UBA3: variants seen among roughly 807,000 people sequenced by gnomAD.
UBA3 encodes NEDD8-activating enzyme E1 catalytic subunit.
A neutral mutation model predicts 73.5 loss-of-function variants in UBA3; 26 were observed. That is an observed-to-expected ratio of 0.35 (90% CI 0.26 to 0.49). The LOEUF is 0.49. Among genes scored for constraint, UBA3 ranks in the 20% least tolerant of loss-of-function variants. The pLI is 0.98. For synonymous variants in UBA3, 217 were observed against 191.2 expected (o/e 1.13, Z -1.11); for missense variants, 495 against 555.6 (o/e 0.89, Z 1.10).
chr3:69,068,016 A>G lies in UBA3; in HGVS notation c.348-8T>C, dbSNP rs1419380526. 2 of 1,514,212 alleles carry G rather than the reference A, an allele frequency of 1.3e-6. No individual in the cohort carries two copies. The highest frequency in any genetic ancestry group is 8.9e-7 in the Non-Finnish European group (1 of 1,118,620). 93.8% of individuals were successfully genotyped at this position (1,514,212 alleles called of 1,614,324 possible). A position where few individuals can be genotyped will look rare whatever the true frequency, so the allele number is the denominator to read the frequency against. On this transcript the variant is annotated splice_polypyrimidine_tract_variant and splice_region_variant and intron_variant, in intron 5 of 17. Transcript: ENST00000361055. Reference sequence around the variant, plus strand: ...CTTCCAATATCTTTAGGCCTACAGGAAAAATATTTAAATTATAATTCATAT... The same window carrying G: ...CTTCCAATATCTTTAGGCCTACAGGGAAAATATTTAAATTATAATTCATAT...
intron 4 of UBA3, among the ~76,000 whole-genome samples, chr3:69,073,452 A>T (rs2092138035): frequency 6.6e-6 from 1 of 152,056 alleles, no homozygotes; most frequent in African/African-American, 2.4e-5. Flanking sequence ...CTTTTTGTAA[A>T]CCTTTTCCCT....
chr3:69,055,752 ACAAGG>A (rs1460897186), intron 17 of UBA3, 94 bp downstream of exon 17: 2 of 1,175,356 alleles, frequency 1.7e-6, no homozygotes, highest in African/African-American at 3.1e-5. Context: ...CTGACCATAT[ACAAGG>A]CATTAAGAGG....
chr3:69,080,073 G>A (rs2092205674), intron 2 of UBA3, 39 bp downstream of exon 2: 2 of 1,596,424 alleles, frequency 1.3e-6, no homozygotes, highest in East Asian at 2.3e-5. Flanking sequence ...GGGAGGCGGG[G>A]GTCCCCGGAG....
intron 2 of UBA3, among the ~76,000 whole-genome samples, chr3:69,079,013 C>T (rs534113074): frequency 3.3e-5 from 5 of 152,154 alleles, no homozygotes; most frequent in Admixed American, 6.5e-5. Flanking sequence ...TTTCTACCGT[C>T]AAATATATTA....
rs373086321 is a variant in UBA3 at position 69,062,057 on chromosome 3, T to C, written c.796+20A>G. The C allele has an allele frequency of 1.8e-5, 28 of 1,521,884 alleles. No individual in the cohort carries two copies. In the East Asian group the frequency reaches 3.6e-4, roughly 20 times the overall value. 94.3% of individuals were successfully genotyped at this position (1,521,884 alleles called of 1,614,324 possible). A position where few individuals can be genotyped will look rare whatever the true frequency, so the allele number is the denominator to read the frequency against. On this transcript the variant is annotated intron_variant, in intron 10 of 17. Coordinates refer to ENST00000361055, the MANE Select transcript of UBA3 (RefSeq NM_003968.4). ...ATATGTATTTTATGTAATTCTAGAT[T>C]ATTAAATTAGGTTTATTACCTCCAA... is the stretch of plus-strand genomic sequence containing the variant.
At chr3:69,066,359 C>A (rs2092071398) in intron 6 of UBA3, among the ~76,000 whole-genome samples, 1 of 152,146 alleles carries the variant, frequency 6.6e-6, no homozygotes, top group Non-Finnish European at 1.5e-5. Flanking sequence ...CACCACCATA[C>A]CCCACCTTTT....
intron 3 of UBA3, chr3:69,077,596 A>G (rs533613524): frequency 7.1e-5 from 38 of 537,022 alleles, no homozygotes; most frequent in African/African-American, 6.1e-4. Flanking sequence ...TTTTCAACTT[A>G]TATTACATGA....
At chr3:69,077,705 T>C (rs2092179675) in intron 3 of UBA3, 93 bp downstream of exon 3, 1 of 1,336,446 alleles carries the variant, frequency 7.5e-7, no homozygotes, top group East Asian at 2.6e-5. Flanking sequence ...TTATTAGTAT[T>C]TTCATTGTAA....
intron 2 of UBA3, among the ~76,000 whole-genome samples, chr3:69,079,283 T>A (rs1191895451): frequency 1.3e-5 from 2 of 152,140 alleles, no homozygotes; most frequent in Non-Finnish European, 2.9e-5. Flanking sequence ...CATGTAAAAG[T>A]GGGAGGGAAA....
intron 6 of UBA3, among the ~76,000 whole-genome samples, chr3:69,066,631 C>T (rs2092074273): frequency 6.6e-6 from 1 of 151,950 alleles, no homozygotes; most frequent in Non-Finnish European, 1.5e-5. Context: ...GGGGTTTCAC[C>T]ATGTTGGCCA....
chr3:69,067,653 T>G (rs2092085178), intron 6 of UBA3, among the ~76,000 whole-genome samples: 1 of 152,150 alleles, frequency 6.6e-6, no homozygotes, highest in African/African-American at 2.4e-5. Flanking sequence ...TAATTGATAC[T>G]GAAATTAAGG....
rs775901112 is a variant in UBA3 at position 69,064,040 on chromosome 3, G to A, written c.472+28C>T. ...AACTAAAAAATTCTAAGAATCTAGT[G>A]AGCATTAATTTCAAGTAAAAAACTT... On this transcript the variant is annotated intron_variant, in intron 7 of 17. Transcript: ENST00000361055. 2.5e-5 allele frequency: 39 copies of A among 1,577,798 alleles called. 1 individual carries two copies. In the South Asian group the frequency reaches 3.6e-4, roughly 15 times the overall value.
At chr3:69,060,536 C>A (rs368818940) in intron 11 of UBA3, among the ~76,000 whole-genome samples, 1 of 152,166 alleles carries the variant, frequency 6.6e-6, no homozygotes. Flanking sequence ...TTGGCCTGAA[C>A]AATTAGGAAA....
At chr3:69,068,222 A>T (rs2092090118) in intron 5 of UBA3, among the ~76,000 whole-genome samples, 1 of 152,198 alleles carries the variant, frequency 6.6e-6, no homozygotes, top group Non-Finnish European at 1.5e-5. Flanking sequence ...AAATTAACAT[A>T]AGTCTAATTA....
chr3:69,056,324 C>A (rs371002436), intron 14 of UBA3, 41 bp from the exon 15 acceptor site: 1 of 1,379,368 alleles, frequency 7.2e-7, no homozygotes, highest in Non-Finnish European at 1.0e-6. Context: ...AGCACATGCA[C>A]CAATATTAGT....
At chr3:69,065,639 C>T (rs2092063864) in intron 6 of UBA3, among the ~76,000 whole-genome samples, 1 of 151,990 alleles carries the variant, frequency 6.6e-6, no homozygotes, top group Non-Finnish European at 1.5e-5. Context: ...AATAGGGTCT[C>T]ATTTGTTGCC....
intron 6 of UBA3, 43 bp downstream of exon 6, chr3:69,067,885 A>C: frequency 6.9e-7 from 1 of 1,443,772 alleles, no homozygotes; most frequent in Non-Finnish European, 9.7e-7. Context: ...AAAGGAAAAA[A>C]GCTTTTAAAA....
chr3:69,078,639 A>T (rs113997516), intron 2 of UBA3, among the ~76,000 whole-genome samples: 6 of 151,924 alleles, frequency 3.9e-5, no homozygotes, highest in African/African-American at 1.4e-4. Flanking sequence ...ATACCCAGCC[A>T]ATTTTTGTAT....
Position 69,063,128 on chromosome 3 carries a change from G to A in UBA3, c.547C>T (p.Leu183=). The stretch of plus-strand genomic sequence containing the variant: ...TCTAAGACACCATCTTCATAATTTA[G>A]AAGAGATATCTAGGAAAACAATTTG... The part of the protein sequence containing the change: ...RWINGMLISL[L]NYEDGVLDPS... The change falls in exon 9 of 18, where the codon CTA becomes TTA. Residue 183 remains leucine (L), a synonymous_variant. Transcript: ENST00000361055. 2 of 1,613,758 alleles carry A rather than the reference G, an allele frequency of 1.2e-6. No individual in the cohort carries two copies. Among genetic ancestry groups the A allele is most frequent in the South Asian group, 2.2e-5 (2 of 91,000 alleles).
Sources: allele counts gnomAD v4.1 joint callset (sites outside exome capture counted in the v4.1 genomes callset), GRCh38; gene constraint gnomAD v4.1.1; transcripts MANE v1.5; gene names NCBI Gene and HGNC (gene_info 2026-07-23, HGNC 2026-07-21).